NFATC2: variants seen among roughly 807,000 people sequenced by gnomAD.
NFATC2 encodes the protein nuclear factor of activated T-cells, cytoplasmic 2.
A neutral mutation model predicts 87.3 loss-of-function variants in NFATC2; 22 were observed. The ratio of observed to expected loss-of-function variants is 0.25; its 90% CI spans 0.18 to 0.36. NFATC2 has a LOEUF of 0.36. NFATC2 is among the 10% of genes least tolerant of loss of function. The pLI, the probability that NFATC2 is intolerant of heterozygous loss-of-function variation, is 1.00. For synonymous variants in NFATC2, 565 were observed against 542.2 expected, an observed-to-expected ratio of 1.04 and a Z score of -0.58; for missense variants, 1,149 against 1,259.1, an observed-to-expected ratio of 0.91 and a Z score of 1.32.
At chr20:51,415,308 C>T (rs931805087) in intron 9 of NFATC2, among the ~76,000 whole-genome samples, 3 of 152,132 alleles carry the variant, frequency 2.0e-5, no homozygotes, top group African/African-American at 7.2e-5. Flanking sequence ...TACTCTTGCT[C>T]AGTATTTCCT....
chr20:51,454,854 G>A (rs1390224590), intron 5 of NFATC2, among the ~76,000 whole-genome samples, 166 bp from the exon 6 acceptor site: 1 of 152,208 alleles, frequency 6.6e-6, no homozygotes, highest in African/African-American at 2.4e-5. Flanking sequence ...ACGTACAAAT[G>A]TTATGCCTTG....
In NFATC2 at chr20:51,387,888, A is replaced by C. The variant is rs1985934660; in HGVS notation, c.*3608T>G. On this transcript the variant is annotated 3_prime_UTR_variant, in exon 11 of 11. Coordinates refer to ENST00000371564, the MANE Select transcript of NFATC2 (RefSeq NM_012340.5). ...TTTTTTTTTTTTTTTGACATGATAA[A>C]TTCAGCCTCACTGTAGTCCAGAGTG... 6.8e-6 allele frequency: 1 copy of C among 147,068 alleles called. No individual in the cohort carries two copies. Among genetic ancestry groups the C allele is most frequent in the African/African-American group, 2.5e-5 (1 of 39,540 alleles). 9.1% of individuals were successfully genotyped at this position (147,068 alleles called of 1,614,324 possible).
intron 2 of NFATC2, among the ~76,000 whole-genome samples, chr20:51,520,021 A>G (rs113610208): frequency 4.6e-5 from 7 of 152,272 alleles, no homozygotes; most frequent in African/African-American, 1.7e-4. Flanking sequence ...GCTGAGATCA[A>G]TGTTATCAAG....
intron 1 of NFATC2, among the ~76,000 whole-genome samples, chr20:51,554,519 T>C (rs1340733818): frequency 3.3e-5 from 5 of 152,152 alleles, no homozygotes; most frequent in African/African-American, 4.8e-5. Context: ...AAGAAATAAA[T>C]TGAATTTAAA....
intron 3 of NFATC2, among the ~76,000 whole-genome samples, chr20:51,481,328 G>A (rs147318354): frequency 1.4e-3 from 209 of 152,202 alleles, no homozygotes; most frequent in African/African-American, 4.8e-3. Flanking sequence ...ACCTCGGTCA[G>A]GAGGCTTTGG....
chr20:51,403,790 C>G (rs1988292686), intron 9 of NFATC2, among the ~76,000 whole-genome samples: 1 of 152,196 alleles, frequency 6.6e-6, no homozygotes, highest in Non-Finnish European at 1.5e-5. Context: ...TCTCCAGAAT[C>G]CTGGTCTTGG....
rs139904261 is a variant in NFATC2, at chr20:51,424,282, C to T, written c.2722+7785G>A. On this transcript the variant is annotated intron_variant, in intron 9 of 10. Coordinates refer to ENST00000371564, the MANE Select transcript of NFATC2 (RefSeq NM_012340.5). ...ACCTTTGCTGAATTTACAGAGGTAG[C>T]CTGACAACATACTTGAGAATTCAGG... 9.2e-5 allele frequency among the ~76,000 whole-genome samples: 14 copies of T among 152,276 alleles called. No individual in the cohort carries two copies. The East Asian group carries it at 2.5e-3, about 27-fold the overall frequency.
intron 9 of NFATC2, among the ~76,000 whole-genome samples, chr20:51,413,058 A>G (rs1363909729): frequency 2.8e-5 from 4 of 144,864 alleles, no homozygotes; most frequent in African/African-American, 5.1e-5. Flanking sequence ...CCAGGCAGCC[A>G]GCTCCCGGGT....
intron 9 of NFATC2, among the ~76,000 whole-genome samples, chr20:51,411,516 CTTT>C (rs67935951): frequency 7.6e-4 from 66 of 87,216 alleles, no homozygotes; most frequent in African/African-American, 2.4e-3. Flanking sequence ...ATGCAATTGT[CTTT>C]TTTTTTTTTT....
intron 1 of NFATC2, among the ~76,000 whole-genome samples, chr20:51,557,605 C>T (rs753108291): frequency 4.6e-5 from 7 of 152,242 alleles, no homozygotes; most frequent in Admixed American, 2.0e-4. Flanking sequence ...TCACCAGCTC[C>T]GGCTGGGACA....
intron 10 of NFATC2, among the ~76,000 whole-genome samples, chr20:51,396,935 T>C (rs1043341271): frequency 6.6e-6 from 1 of 152,092 alleles, no homozygotes; most frequent in Non-Finnish European, 1.5e-5. Flanking sequence ...GCCTTTTTTT[T>C]TGAGTCTCCC....
chr20:51,550,458 G>A (rs1480156392), intron 1 of NFATC2, among the ~76,000 whole-genome samples: 2 of 152,076 alleles, frequency 1.3e-5, no homozygotes, highest in Non-Finnish European at 2.9e-5. Context: ...AGGCATGGTG[G>A]TGGGCGCCTG....
chr20:51,468,336 T>C (rs1987885617), intron 5 of NFATC2, among the ~76,000 whole-genome samples: 2 of 152,122 alleles, frequency 1.3e-5, no homozygotes, highest in Non-Finnish European at 2.9e-5. Flanking sequence ...TATATATATG[T>C]CACAAAGAGA....
At chr20:51,457,578 G>T (rs1390115198) in intron 5 of NFATC2, among the ~76,000 whole-genome samples, 1 of 149,980 alleles carries the variant, frequency 6.7e-6, no homozygotes, top group Non-Finnish European at 1.5e-5. Context: ...CTCCCTACCT[G>T]AAGGAAAACT....
chr20:51,531,343 T>C lies in NFATC2; in HGVS notation c.131-7233A>G, dbSNP rs375846438. Among the ~76,000 whole-genome samples, 22 of 152,342 alleles carry C rather than the reference T, an allele frequency of 1.4e-4. No homozygotes were observed. The East Asian group carries it at 3.9e-3, about 27-fold the overall frequency. ...TCTTCTCACTCTCAGCCCTGGCAGGTGACGCTCATCTCTGTGGCAGACACC... is the reference window on the plus strand; with the variant it reads ...TCTTCTCACTCTCAGCCCTGGCAGGCGACGCTCATCTCTGTGGCAGACACC... On this transcript the variant is annotated intron_variant, in intron 1 of 10. Coordinates refer to ENST00000371564, the MANE Select transcript of NFATC2 (RefSeq NM_012340.5).
chr20:51,435,532 A>G (rs1299176349), intron 7 of NFATC2, among the ~76,000 whole-genome samples, 174 bp downstream of exon 7: 3 of 152,226 alleles, frequency 2.0e-5, no homozygotes, highest in Non-Finnish European at 4.4e-5. Context: ...TGCAAATCAG[A>G]GAGTGTGGTG....
chr20:51,412,848 A>T (rs988005736), intron 9 of NFATC2, among the ~76,000 whole-genome samples: 15 of 152,094 alleles, frequency 9.9e-5, no homozygotes, highest in Non-Finnish European at 1.8e-4. Flanking sequence ...TCCCTGCAAA[A>T]GGAGTACTTC....
At chr20:51,557,530 T>C (rs910599766) in intron 1 of NFATC2, among the ~76,000 whole-genome samples, 16 of 152,200 alleles carry the variant, frequency 1.1e-4, no homozygotes, top group Non-Finnish European at 4.4e-5. Context: ...TGGGGGCTTA[T>C]TTATTCCAGA....
intron 1 of NFATC2, among the ~76,000 whole-genome samples, chr20:51,528,816 C>T (rs1276219326): frequency 1.3e-5 from 2 of 152,192 alleles, no homozygotes; most frequent in East Asian, 1.9e-4. Flanking sequence ...TAAGTAGCAG[C>T]GTGACTTTGG....
Sources: allele counts gnomAD v4.1 joint callset (sites outside exome capture counted in the v4.1 genomes callset), GRCh38; gene constraint gnomAD v4.1.1; transcripts MANE v1.5; gene names NCBI Gene and HGNC (gene_info 2026-07-23, HGNC 2026-07-21).